The following PCBP2 variants were observed in gnomAD, a reference collection of about 807,000 sequenced individuals.
PCBP2 encodes poly(rC) binding protein 2.
A neutral mutation model predicts 50.1 loss-of-function variants in PCBP2; 4 were observed. That is an observed-to-expected ratio of 0.08 (90% CI 0.04 to 0.18). The LOEUF is 0.18. Among genes scored for constraint, PCBP2 ranks in the 10% least tolerant of loss-of-function variants. The pLI is 1.00. For synonymous variants in PCBP2, 179 were observed against 168.0 expected, an observed-to-expected ratio of 1.07 and a Z score of -0.51; for missense variants, 161 against 474.3, an observed-to-expected ratio of 0.34 and a Z score of 6.14.
At chr12:53,479,381 CT>C (rs1565877884) in intron 14 of PCBP2, 24 bp from the exon 15 acceptor site, 3 of 1,612,348 alleles carry the variant, frequency 1.9e-6, no homozygotes, top group Non-Finnish European at 2.5e-6. Flanking sequence ...GGGAAACTAA[CT>C]GAGTTCTTGT....
In PCBP2 at chr12:53,481,125, G is replaced by GTA. The variant is rs1171499281; in HGVS notation, c.*1694_*1695dup. On this transcript the variant is annotated 3_prime_UTR_variant, in exon 15 of 15. Transcript: ENST00000546463. ...ATGTGGCGCATATATATATATATAT[G>GTA]TATATATATATAATTTATATAAATA... The GTA allele has an allele frequency of 3.1e-4, 163 of 529,586 alleles. No homozygotes were observed. The highest frequency in any genetic ancestry group is 3.0e-4 in the South Asian group (4 of 13,216). The allele number at this position is 529,586 out of a possible 1,614,324, so 32.8% of individuals were successfully genotyped here.
chr12:53,454,682 CTTG>C (rs1940857562), intron 1 of PCBP2, 41 bp from the exon 2 acceptor site: 1 of 716,394 alleles, frequency 1.4e-6, no homozygotes, highest in South Asian at 1.6e-5. Context: ...AAATAATAAC[CTTG>C]TTGTTTTCCT....
At chr12:53,471,598 A>T (rs1320137669) in intron 13 of PCBP2, 40 bp from the exon 14 acceptor site, 1 of 1,567,762 alleles carries the variant, frequency 6.4e-7, no homozygotes, top group East Asian at 2.3e-5. Flanking sequence ...TAGCCATGCA[A>T]CTCTAATTCG....
At chr12:53,453,017 C>T (rs1172706349) in intron 1 of PCBP2, 1 of 151,958 alleles carries the variant, frequency 6.6e-6, no homozygotes, top group Non-Finnish European at 1.5e-5. Flanking sequence ...CGATGTAATC[C>T]CAGACCGAGC....
chr12:53,466,580 T>C (rs1453603900), intron 10 of PCBP2, among the ~76,000 whole-genome samples: 1 of 152,240 alleles, frequency 6.6e-6, no homozygotes, highest in South Asian at 2.1e-4. Context: ...TTTCAGGTGC[T>C]GAGCATTATT....
intron 5 of PCBP2, 64 bp from the exon 6 acceptor site, chr12:53,459,208 G>A: frequency 6.8e-7 from 1 of 1,463,310 alleles, no homozygotes. Flanking sequence ...AGGGTAAGTG[G>A]TTCTTTAATG....
At chr12:53,479,271 A>AT (rs1386252977) in intron 14 of PCBP2, 135 bp from the exon 15 acceptor site, 1 of 766,046 alleles carries the variant, frequency 1.3e-6, no homozygotes, top group African/African-American at 1.7e-5. Flanking sequence ...GTACTGGTAA[A>AT]TTTAAGAAAC....
intron 14 of PCBP2, among the ~76,000 whole-genome samples, chr12:53,474,049 C>T (rs1942413809): frequency 6.6e-6 from 1 of 152,192 alleles, no homozygotes; most frequent in Non-Finnish European, 1.5e-5. Context: ...CACATACAGG[C>T]ATTTGGGAGA....
chr12:53,461,534 G>T (rs761281725), intron 7 of PCBP2, among the ~76,000 whole-genome samples: 1 of 152,112 alleles, frequency 6.6e-6, no homozygotes, highest in Non-Finnish European at 1.5e-5. Flanking sequence ...TTGTAGGAGG[G>T]TATTCAAAGT....
intron 14 of PCBP2, chr12:53,475,442 A>G (rs889086453): frequency 1.7e-5 from 5 of 289,648 alleles, no homozygotes; most frequent in African/African-American, 1.1e-4. Context: ...CTAGAGCCAC[A>G]GTTTTCTCTT....
intron 8 of PCBP2, among the ~76,000 whole-genome samples, chr12:53,463,602 AT>A (rs1367987444): frequency 1.3e-5 from 2 of 152,206 alleles, no homozygotes; most frequent in Admixed American, 1.3e-4. Flanking sequence ...GTACTATACC[AT>A]TTTATGTAAA....
At chr12:53,464,904 C>A (rs765212576) in intron 9 of PCBP2, 52 bp downstream of exon 9, 37 of 1,540,530 alleles carry the variant, frequency 2.4e-5, no homozygotes, top group Non-Finnish European at 1.0e-5. Context: ...CCGCCTCAGC[C>A]GAGACTGCCA....
intron 14 of PCBP2, among the ~76,000 whole-genome samples, chr12:53,473,824 C>G (rs1387132740): frequency 6.6e-6 from 1 of 150,946 alleles, no homozygotes; most frequent in East Asian, 1.9e-4. Context: ...GGATTCTGAG[C>G]ATTTTCTCCT....
intron 14 of PCBP2, 66 bp from the exon 15 acceptor site, chr12:53,479,340 C>T (rs1942893703): frequency 7.3e-7 from 1 of 1,365,238 alleles, no homozygotes; most frequent in Non-Finnish European, 1.0e-6. Context: ...ATTTCATGAA[C>T]CAGGTAGAGA....
rs369807940 is a variant in PCBP2 at position 53,455,340 on chromosome 12, A to G, written c.70-7A>G. 4 of 1,613,456 alleles carry G rather than the reference A, an allele frequency of 2.5e-6. No homozygotes were observed. The Admixed American group carries it at 5.0e-5, about 20-fold the overall frequency. On this transcript the variant is annotated splice_region_variant and splice_polypyrimidine_tract_variant and intron_variant, in intron 2 of 14. Coordinates refer to ENST00000546463, the MANE Select transcript of PCBP2 (RefSeq NM_031989.5). Reference sequence around the variant, plus strand: ...CCTCTTACTGACGTTAGTTTTCTCCATTGCAGGAAGTTGGCAGTATCATCG... The same window carrying G: ...CCTCTTACTGACGTTAGTTTTCTCCGTTGCAGGAAGTTGGCAGTATCATCG...
chr12:53,469,260 CTTTATT>C (rs1942034555), intron 13 of PCBP2, among the ~76,000 whole-genome samples: 1 of 151,972 alleles, frequency 6.6e-6, no homozygotes, highest in Non-Finnish European at 1.5e-5. Context: ...ATTATTTTAT[CTTTATT>C]TTTGTTTTTG....
intron 1 of PCBP2, chr12:53,452,761 G>C (rs1220600550): frequency 1.3e-5 from 2 of 152,094 alleles, no homozygotes; most frequent in Admixed American, 6.5e-5. Flanking sequence ...GCAGCCACAC[G>C]GGGAGGCGCT....
Position 53,456,021 on chromosome 12 carries a change from C to T in PCBP2, c.243+20C>T, listed in dbSNP as rs200501586. On this transcript the variant is annotated intron_variant, in intron 5 of 14. Coordinates refer to ENST00000546463, the MANE Select transcript of PCBP2 (RefSeq NM_031989.5). ...GAAGAGGTTTGTTGTCTCCCACTCC[C>T]TCATTCTTCATTTTTAAGTGCTTCC... is the stretch of plus-strand genomic sequence containing the variant. The T allele has an allele frequency of 1.8e-3, 2,509 of 1,386,918 alleles. 4 individuals carry two copies. Among genetic ancestry groups the T allele is most frequent in the Middle Eastern group, 2.3e-3 (13 of 5,666 alleles). 85.9% of individuals were successfully genotyped at this position (1,386,918 alleles called of 1,614,324 possible). A position where few individuals can be genotyped will look rare whatever the true frequency, so the allele number is the denominator to read the frequency against.
At chr12:53,472,413 G>A (rs928144320) in intron 14 of PCBP2, among the ~76,000 whole-genome samples, 10 of 152,064 alleles carry the variant, frequency 6.6e-5, no homozygotes, top group South Asian at 2.1e-4. Flanking sequence ...ACTTCCTGAG[G>A]GTTTTATTTC....
Sources: allele counts gnomAD v4.1 joint callset (sites outside exome capture counted in the v4.1 genomes callset), GRCh38; gene constraint gnomAD v4.1.1; transcripts MANE v1.5; gene names NCBI Gene and HGNC (gene_info 2026-07-23, HGNC 2026-07-21).